TMEM182: variants seen among roughly 807,000 people sequenced by gnomAD.
TMEM182 encodes the protein transmembrane protein 182.
Under a neutral mutation model 26.8 loss-of-function variants are expected in TMEM182, and 20 were observed. The observed-to-expected ratio is 0.75, with a 90% confidence interval of 0.53 to 1.09. The LOEUF (loss-of-function observed/expected upper bound fraction) is 1.09, where lower values mean the gene tolerates loss of function less well. TMEM182 is among the 50% of genes least tolerant of loss of function. The probability of loss-of-function intolerance (pLI) is 0.00; values close to 1 mark genes in which losing one functional copy is unlikely to be tolerated. For synonymous variants in TMEM182, 109 were observed against 102.2 expected (o/e 1.07, Z -0.40); for missense variants, 277 against 275.5 (o/e 1.01, Z -0.04).
chr2:102,764,092 A>G (rs142180063), intron 2 of TMEM182, among the ~76,000 whole-genome samples: 4 of 152,316 alleles, frequency 2.6e-5, no homozygotes, highest in African/African-American at 9.6e-5. Context: ...CATTTATTCC[A>G]TTGAATTATG....
intron 3 of TMEM182, among the ~76,000 whole-genome samples, chr2:102,842,972 C>CCCA (rs1683382804): frequency 1.3e-5 from 2 of 152,166 alleles, no homozygotes; most frequent in Admixed American, 1.3e-4. Flanking sequence ...TAGCTGTTGA[C>CCCA]AAAGAGGGTG....
chr2:102,829,444 C>T (rs1187386717), intron 3 of TMEM182, among the ~76,000 whole-genome samples: 4 of 152,196 alleles, frequency 2.6e-5, no homozygotes, highest in Non-Finnish European at 4.4e-5. Flanking sequence ...TTCTCCCTCT[C>T]GCACCTTTCT....
At chr2:102,786,905 C>G (rs1436186632) in intron 3 of TMEM182, among the ~76,000 whole-genome samples, 1 of 152,172 alleles carries the variant, frequency 6.6e-6, no homozygotes, top group Non-Finnish European at 1.5e-5. Flanking sequence ...AAGTACAGTG[C>G]TCAGTCTAGT....
intron 4 of TMEM182, among the ~76,000 whole-genome samples, chr2:102,809,195 G>C (rs1682457932): frequency 6.6e-6 from 1 of 152,176 alleles, no homozygotes; most frequent in Admixed American, 6.5e-5. Context: ...TTTATATGAA[G>C]ATGTTTTATG....
At chr2:102,772,057 C>T (rs569260666) in intron 3 of TMEM182, among the ~76,000 whole-genome samples, 3 of 152,330 alleles carry the variant, frequency 2.0e-5, no homozygotes, top group South Asian at 2.1e-4. Flanking sequence ...ACTGTGTGCT[C>T]AGCTCCAGGT....
chr2:102,820,574 C>A (rs1221446821), downstream of TMEM182, among the ~76,000 whole-genome samples: 1 of 152,086 alleles, frequency 6.6e-6, no homozygotes, highest in Non-Finnish European at 1.5e-5. Context: ...TCTGACTATT[C>A]CAATACACAA....
At chr2:102,826,119 A>G (rs1683025913) in intron 3 of TMEM182, among the ~76,000 whole-genome samples, 2 of 152,152 alleles carry the variant, frequency 1.3e-5, no homozygotes, top group South Asian at 4.1e-4. Context: ...AAATGGGACC[A>G]TGGGTATCTC....
At chr2:102,782,004 T>C (rs1011200892) in intron 3 of TMEM182, among the ~76,000 whole-genome samples, 2 of 152,164 alleles carry the variant, frequency 1.3e-5, no homozygotes, top group Admixed American at 6.5e-5. Flanking sequence ...TGTCTACTTA[T>C]TGAAACCTAC....
At chr2:102,763,230 T>C (rs1680288324) in intron 2 of TMEM182, among the ~76,000 whole-genome samples, 1 of 152,226 alleles carries the variant, frequency 6.6e-6, no homozygotes. Context: ...AAGAAGTGCC[T>C]TGCTTTTGAT....
chr2:102,813,131 T>C (rs1050785025), intron 4 of TMEM182, among the ~76,000 whole-genome samples: 2 of 152,212 alleles, frequency 1.3e-5, no homozygotes, highest in East Asian at 3.9e-4. Context: ...GAAGCATCTA[T>C]TTGATTCTTC....
intron 1 of TMEM182, among the ~76,000 whole-genome samples, chr2:102,753,679 AT>A (rs988478521): frequency 1.3e-5 from 2 of 152,156 alleles, no homozygotes; most frequent in African/African-American, 4.8e-5. Context: ...CCAGTTCTTC[AT>A]TTTTGATAGA....
intron 3 of TMEM182, among the ~76,000 whole-genome samples, chr2:102,795,536 T>C (rs900689864): frequency 5.3e-5 from 8 of 152,334 alleles, no homozygotes; most frequent in Middle Eastern, 3.4e-3. Context: ...TCAAAGTCTA[T>C]GTGATGCTGT....
intron 3 of TMEM182, among the ~76,000 whole-genome samples, chr2:102,792,972 C>T (rs576473278): frequency 6.6e-6 from 1 of 152,190 alleles, no homozygotes; most frequent in East Asian, 1.9e-4. Flanking sequence ...TGTCTCCTCC[C>T]TTTCTTGCAT....
intron 1 of TMEM182, among the ~76,000 whole-genome samples, chr2:102,755,267 T>C (rs1415499457): frequency 6.6e-6 from 1 of 152,194 alleles, no homozygotes; most frequent in Non-Finnish European, 1.5e-5. Flanking sequence ...CCTTCAGATA[T>C]CTGATTTTAC....
At chr2:102,822,648 TG>T (rs1272364711), downstream of TMEM182, among the ~76,000 whole-genome samples, 6 of 152,110 alleles carry the variant, frequency 3.9e-5, no homozygotes, top group Admixed American at 1.3e-4. Flanking sequence ...ACCATGGAAA[TG>T]GGTAGAAGGG....
chr2:102,756,369 A>G (rs1310357758), intron 1 of TMEM182, among the ~76,000 whole-genome samples: 1 of 152,210 alleles, frequency 6.6e-6, no homozygotes, highest in Non-Finnish European at 1.5e-5. Context: ...CTTACCAAGT[A>G]CCCCTAATAA....
At chr2:102,769,902 G>A (rs1680602849) in intron 3 of TMEM182, among the ~76,000 whole-genome samples, 1 of 152,136 alleles carries the variant, frequency 6.6e-6, no homozygotes, top group South Asian at 2.1e-4. Context: ...ATTTACTTTG[G>A]TTTGGACGTA....
At chr2:102,763,426 A>G (rs878994169) in intron 2 of TMEM182, among the ~76,000 whole-genome samples, 1 of 152,306 alleles carries the variant, frequency 6.6e-6, no homozygotes, top group African/African-American at 2.4e-5. Context: ...CCTAAAGCTT[A>G]TTGAGAATTG....
In TMEM182 at chr2:102,815,526, A is replaced by G; in HGVS notation, c.*558A>G. On this transcript the variant is annotated 3_prime_UTR_variant, in exon 5 of 5. Coordinates refer to ENST00000412401, the MANE Select transcript of TMEM182 (RefSeq NM_144632.5). ...TACTCACCAGTTAAAATGGGCCACA[A>G]CAAACAAGACTGAGAGCATGTACTT... The G allele has an allele frequency of 1.0e-6, 1 of 985,858 alleles. No individual in the cohort carries two copies. The highest frequency in any genetic ancestry group is 1.2e-6 in the Non-Finnish European group (1 of 830,252). The allele number at this position is 985,858 out of a possible 1,614,324, so 61.1% of individuals were successfully genotyped here.
Sources: gnomAD v4.1 joint callset for allele counts (sites outside exome capture counted in the v4.1 genomes callset) on GRCh38, gnomAD v4.1.1 for gene constraint, MANE v1.5 for transcripts, NCBI Gene and HGNC (gene_info 2026-07-23, HGNC 2026-07-21) for gene names.